The following RYR3 variants were observed in gnomAD, a reference collection of about 807,000 sequenced individuals.
RYR3 encodes brain ryanodine receptor-calcium release channel.
RYR3 carries 207 observed loss-of-function variants against 584.3 expected under a neutral mutation model. The ratio of observed to expected loss-of-function variants is 0.35; its 90% CI spans 0.32 to 0.40. The LOEUF (loss-of-function observed/expected upper bound fraction) is 0.40. RYR3 is among the 10% of genes least tolerant of loss of function. RYR3 has a pLI of 1.00. For synonymous variants in RYR3, 2,416 were observed against 2,248.5 expected (o/e 1.07, Z -2.11); for missense variants, 5,616 against 6,089.2 (o/e 0.92, Z 2.59).
At chr15:33,512,070 G>T (rs980574914) in intron 3 of RYR3, among the ~76,000 whole-genome samples, 2 of 152,138 alleles carry the variant, frequency 1.3e-5, no homozygotes, top group Non-Finnish European at 2.9e-5. Context: ...GAGCCACCGC[G>T]CCCGGCTGCA....
chr15:33,689,714 T>C (rs2065279226), intron 38 of RYR3, among the ~76,000 whole-genome samples: 1 of 152,232 alleles, frequency 6.6e-6, no homozygotes, highest in Non-Finnish European at 1.5e-5. Flanking sequence ...ATTGTTTCTC[T>C]TCTCTAGTTT....
At chr15:33,651,805 A>G (rs2062489690) in intron 31 of RYR3, among the ~76,000 whole-genome samples, 1 of 152,104 alleles carries the variant, frequency 6.6e-6, no homozygotes, top group Non-Finnish European at 1.5e-5. Flanking sequence ...CTTTTATTTA[A>G]CTTGAGAAAA....
At chr15:33,843,196 T>G (rs1219943515) in intron 91 of RYR3, among the ~76,000 whole-genome samples, 1 of 152,000 alleles carries the variant, frequency 6.6e-6, no homozygotes, top group Non-Finnish European at 1.5e-5. Flanking sequence ...GGCGGGCGCC[T>G]GTAGTCCCAG....
chr15:33,642,711 G>A (rs944260053), intron 27 of RYR3, among the ~76,000 whole-genome samples: 12 of 152,088 alleles, frequency 7.9e-5, no homozygotes, highest in African/African-American at 1.9e-4. Flanking sequence ...TTCATCCATC[G>A]CAGCCCCTAT....
chr15:33,816,533 T>TCAGG (rs1388926131), intron 74 of RYR3, among the ~76,000 whole-genome samples: 1 of 152,166 alleles, frequency 6.6e-6, no homozygotes, highest in African/African-American at 2.4e-5. Flanking sequence ...AGCAAATACT[T>TCAGG]CAGGACTGTT....
rs139721822 is a variant in RYR3, at chr15:33,348,113, A to C, written c.51+37017A>C. ...TATCTTCAACTCTATACATTATCACATGGATTATTCTGGCCTTCTCCCTTT... is the reference window on the plus strand; with the variant it reads ...TATCTTCAACTCTATACATTATCACCTGGATTATTCTGGCCTTCTCCCTTT... On this transcript the variant is annotated intron_variant, in intron 1 of 103. Coordinates refer to ENST00000634891, the MANE Select transcript of RYR3 (RefSeq NM_001036.6). 6.1e-3 allele frequency among the ~76,000 whole-genome samples: 922 copies of C among 152,294 alleles called. 9 individuals are homozygous for C. The highest frequency in any genetic ancestry group is 0.021 in the African/African-American group (881 of 41,550).
intron 43 of RYR3, among the ~76,000 whole-genome samples, chr15:33,708,419 C>G (rs544296209): frequency 6.6e-6 from 1 of 152,270 alleles, no homozygotes; most frequent in South Asian, 2.1e-4. Context: ...GTAAAGGAAT[C>G]GACTGGCTCT....
intron 18 of RYR3, among the ~76,000 whole-genome samples, chr15:33,608,439 C>T (rs1051928123): frequency 3.3e-5 from 5 of 152,352 alleles, no homozygotes; most frequent in African/African-American, 1.2e-4. Context: ...ATTTATAACA[C>T]ACACTATGCA....
intron 100 of RYR3, 55 bp from the exon 101 acceptor site, chr15:33,860,540 C>T (rs1215163525): frequency 4.8e-6 from 5 of 1,042,256 alleles, no homozygotes; most frequent in Non-Finnish European, 5.5e-6. Flanking sequence ...CTTTATCATT[C>T]CTCTACCCCT....
rs2068965771 is a variant in RYR3 at position 33,731,688 on chromosome 15, T to C, written c.7418T>C (p.Ile2473Thr). ...RDTIEECLLA[I>T]CNHLRPSMLQ... is the part of the protein sequence containing the mutation. ...ACTATAGAAGAATGTTTGCTTGCCA[T>C]TTGCAAGTAAGTACATATCCTATGT... Residue 2473 changes from isoleucine (I) to threonine (T), a missense_variant, in exon 48 of 104, where the codon ATT becomes ACT. This residue lies in a region of RYR3 where 1,280 missense variants were observed against 1,426.2 expected (regional missense o/e 0.90). Coordinates refer to ENST00000634891, the MANE Select transcript of RYR3 (RefSeq NM_001036.6). 1.9e-6 allele frequency: 3 copies of C among 1,602,572 alleles called. No homozygotes were observed. Among genetic ancestry groups the C allele is most frequent in the Non-Finnish European group, 2.6e-6 (3 of 1,170,134 alleles).
In RYR3 at chr15:33,862,262, G is replaced by T. The variant is rs12148517; in HGVS notation, c.14465+1084G>T. Among the ~76,000 whole-genome samples the T allele has an allele frequency of 4.8e-3, 729 of 152,112 alleles. 7 individuals are homozygous for T. Among genetic ancestry groups the T allele is most frequent in the African/African-American group, 0.017 (700 of 41,468 alleles). Reference sequence around the variant, plus strand: ...GGTCTCAACCCCGTTGCCCAGGCTCGAGTGCAGTGGTATGATCTTGGCTCA... The same window carrying T: ...GGTCTCAACCCCGTTGCCCAGGCTCTAGTGCAGTGGTATGATCTTGGCTCA... On this transcript the variant is annotated intron_variant, in intron 102 of 103. Transcript: ENST00000634891.
At chr15:33,464,490 A>ATG (rs1567295722) in intron 1 of RYR3, among the ~76,000 whole-genome samples, 3 of 58,894 alleles carry the variant, frequency 5.1e-5, no homozygotes, top group South Asian at 4.0e-4. Context: ...ATATATATAT[A>ATG]CACATATATA....
At chr15:33,518,082 T>A (rs561975226) in intron 3 of RYR3, among the ~76,000 whole-genome samples, 1 of 152,350 alleles carries the variant, frequency 6.6e-6, no homozygotes. Flanking sequence ...GAGTTTCCAG[T>A]GATTTATATA....
chr15:33,491,342 A>G (rs2050946432), intron 2 of RYR3, among the ~76,000 whole-genome samples: 1 of 152,236 alleles, frequency 6.6e-6, no homozygotes, highest in African/African-American at 2.4e-5. Flanking sequence ...TACAAGTTTA[A>G]TAGGCAGCCA....
rs760687309 is a variant in RYR3, at chr15:33,738,555, C to G, written c.7621C>G (p.Leu2541Val). Reference sequence around the variant, plus strand: ...AGAAGAGCTGCACCTAACGGAGAAGCTTTTCTGGGGGATTTTTGACTCGCT... The same window carrying G: ...AGAAGAGCTGCACCTAACGGAGAAGGTTTTCTGGGGGATTTTTGACTCGCT... The part of the protein sequence containing the change: ...VEEELHLTEK[L>V]FWGIFDSLSH... Residue 2541 changes from leucine to valine, a missense_variant, in exon 50 of 104, where the codon CTT becomes GTT. This residue lies in a region of RYR3 where 1,280 missense variants were observed against 1,426.2 expected (regional missense o/e 0.90). Coordinates refer to ENST00000634891, the MANE Select transcript of RYR3 (RefSeq NM_001036.6). 1.2e-6 allele frequency: 2 copies of G among 1,613,968 alleles called. No homozygotes were observed. The highest frequency in any genetic ancestry group is 1.1e-5 in the South Asian group (1 of 91,076).
At chr15:33,722,524 A>G in intron 43 of RYR3, 191 bp from the exon 44 acceptor site, 2 of 604,290 alleles carry the variant, frequency 3.3e-6, no homozygotes, top group Admixed American at 3.2e-5. Flanking sequence ...GGGGTTTATA[A>G]CTAACTGACC....
rs144013598 is a variant in RYR3, at chr15:33,622,602, ACAAAAG to A, written c.2358-1201_2358-1196del. Among the ~76,000 whole-genome samples the A allele has an allele frequency of 8.0e-3, 1,219 of 152,358 alleles. 7 individuals are homozygous for A. Among genetic ancestry groups the A allele is most frequent in the African/African-American group, 0.028 (1,165 of 41,574 alleles). On this transcript the variant is annotated intron_variant, in intron 19 of 103. Coordinates refer to ENST00000634891, the MANE Select transcript of RYR3 (RefSeq NM_001036.6). Reference sequence around the variant, plus strand: ...CCTTGTTCATTGCTGAATCCCCAGTACAAAAGCAAGTGCTAATTGTATGGGCTCAGT... The same window carrying A: ...CCTTGTTCATTGCTGAATCCCCAGTACAAGTGCTAATTGTATGGGCTCAGT...
chr15:33,724,012 C>A, intron 44 of RYR3, 53 bp from the exon 45 acceptor site: 2 of 940,842 alleles, frequency 2.1e-6, no homozygotes, highest in Non-Finnish European at 1.7e-6. Flanking sequence ...TGTCTCGCAG[C>A]ATGGCAGTGC....
chr15:33,730,417 C>A (rs989433633), intron 47 of RYR3, among the ~76,000 whole-genome samples: 1 of 152,172 alleles, frequency 6.6e-6, no homozygotes. Context: ...GAAATCAAAG[C>A]TCTGTCCTTT....
Sources: allele counts gnomAD v4.1 joint callset (sites outside exome capture counted in the v4.1 genomes callset), GRCh38; gene constraint gnomAD v4.1.1; regional missense constraint gnomAD v4.1.1; transcripts MANE v1.5; gene names NCBI Gene and HGNC (gene_info 2026-07-23, HGNC 2026-07-21).